ZNF407: variants seen among roughly 807,000 people sequenced by gnomAD.
ZNF407 encodes zinc finger protein 407.
A neutral mutation model predicts 131.2 loss-of-function variants in ZNF407; 17 were observed. The observed-to-expected ratio is 0.13, with a 90% confidence interval of 0.09 to 0.19. ZNF407 has a LOEUF of 0.19. ZNF407 is among the 10% of genes least tolerant of loss of function. The probability of loss-of-function intolerance (pLI) is 1.00; values close to 1 mark genes in which losing one functional copy is unlikely to be tolerated. For synonymous variants in ZNF407, 1,156 were observed against 1,062.0 expected, an observed-to-expected ratio of 1.09 and a Z score of -1.72; for missense variants, 2,681 against 2,830.6, an observed-to-expected ratio of 0.95 and a Z score of 1.20.
At chr18:75,047,230 G>A (rs748412859) in intron 8 of ZNF407, among the ~76,000 whole-genome samples, 2 of 152,156 alleles carry the variant, frequency 1.3e-5, no homozygotes, top group Admixed American at 6.5e-5. Flanking sequence ...CTAGCAGGAC[G>A]ATGTCAAAAA....
intron 7 of ZNF407, chr18:74,898,043 T>C (rs1971475648): frequency 6.6e-6 from 1 of 152,232 alleles, no homozygotes; most frequent in African/African-American, 2.4e-5. Flanking sequence ...TTCTGAAATA[T>C]TGCCTGTCTG....
At chr18:74,752,115 G>A (rs1458836381) in intron 3 of ZNF407, among the ~76,000 whole-genome samples, 1 of 152,210 alleles carries the variant, frequency 6.6e-6, no homozygotes, top group Non-Finnish European at 1.5e-5. Flanking sequence ...GCATTTCTCT[G>A]ATGGCCAGTG....
chr18:74,724,256 A>G (rs1330605546), intron 3 of ZNF407, among the ~76,000 whole-genome samples: 1 of 152,182 alleles, frequency 6.6e-6, no homozygotes, highest in Non-Finnish European at 1.5e-5. Context: ...TTGATGTTTA[A>G]ATACATGTGT....
chr18:74,699,905 T>C (rs558497092), intron 3 of ZNF407, among the ~76,000 whole-genome samples: 3 of 152,342 alleles, frequency 2.0e-5, no homozygotes, highest in South Asian at 4.1e-4. Context: ...GACAAAATTA[T>C]ATGCACATGT....
At chr18:74,964,574 A>G (rs536340740) in intron 8 of ZNF407, among the ~76,000 whole-genome samples, 2 of 140,696 alleles carry the variant, frequency 1.4e-5, no homozygotes, top group East Asian at 4.1e-4. Context: ...ACAACCTATC[A>G]TCCGGGTTTT....
At chr18:74,999,859 A>G (rs963294458) in intron 8 of ZNF407, among the ~76,000 whole-genome samples, 2 of 152,354 alleles carry the variant, frequency 1.3e-5, no homozygotes, top group South Asian at 4.1e-4. Context: ...AATGTGTTAC[A>G]TGAAAAAAAG....
intron 4 of ZNF407, among the ~76,000 whole-genome samples, chr18:74,790,583 G>A (rs559262377): frequency 6.6e-6 from 1 of 152,032 alleles, no homozygotes; most frequent in South Asian, 2.1e-4. Flanking sequence ...AGAACACTGG[G>A]GCTTATACAG....
At chr18:74,951,667 T>C (rs1384820051) in intron 8 of ZNF407, among the ~76,000 whole-genome samples, 2 of 152,240 alleles carry the variant, frequency 1.3e-5, no homozygotes, top group African/African-American at 4.8e-5. Flanking sequence ...GAGCTTCATA[T>C]TTGCAGATTT....
At position 74,768,201 on chromosome 18, in the gene ZNF407, A is replaced by C. The variant is rs549932616; in HGVS notation, c.4803-13227A>C. Among the ~76,000 whole-genome samples the C allele has an allele frequency of 1.9e-3, 286 of 152,238 alleles. 3 individuals are homozygous for C. Among genetic ancestry groups the C allele is most frequent in the African/African-American group, 6.6e-3 (274 of 41,558 alleles). ...GTAGAGCTGTTGGACAGGTTGGCAC[A>C]TCTCGCCTGCAAGCTCCTTGATTAC... On this transcript the variant is annotated intron_variant, in intron 3 of 8. Transcript: ENST00000299687.
chr18:74,631,649 G>A lies in ZNF407; in HGVS notation c.630G>A (p.Gln210=). ...AAAAACATGCTGAGTCTCACATGCA[G>A]CAGCCTAAGGAACATACCTGTTGTC... ...DLEKHAESHM[Q]QPKEHTCCHC... The change falls in exon 2 of 9, where the codon CAG becomes CAA. Residue 210 remains glutamine (Q), a synonymous_variant. Coordinates refer to ENST00000299687, the MANE Select transcript of ZNF407 (RefSeq NM_017757.3). 1 of 1,613,940 alleles carries A rather than the reference G, an allele frequency of 6.2e-7. No homozygotes were observed. Among genetic ancestry groups the A allele is most frequent in the South Asian group, 1.1e-5 (1 of 91,074 alleles).
chr18:74,898,900 T>TA lies in ZNF407; in HGVS notation c.5249+8862_5249+8863insA, dbSNP rs1156816429. The stretch of plus-strand genomic sequence containing the variant: ...GTCTGGGGGGAAAAGTGGTTGACAT[T>TA]TGAATTTCATAAATTTGTTCCAATC... On this transcript the variant is annotated intron_variant, in intron 7 of 8. Transcript: ENST00000299687. 2.0e-4 allele frequency among the ~76,000 whole-genome samples: 30 copies of TA among 152,338 alleles called. 1 individual carries two copies. The East Asian group carries it at 5.4e-3, about 27-fold the overall frequency.
chr18:74,969,843 A>T (rs565350242), intron 8 of ZNF407, among the ~76,000 whole-genome samples: 1 of 152,224 alleles, frequency 6.6e-6, no homozygotes, highest in African/African-American at 2.4e-5. Flanking sequence ...TGCATGAGAA[A>T]CCAGGTTTTC....
chr18:74,630,846 T>G (rs911615504), intron 1 of ZNF407, 121 bp from the exon 2 acceptor site: 44 of 647,628 alleles, frequency 6.8e-5, no homozygotes, highest in Non-Finnish European at 9.0e-5. Flanking sequence ...TGTAATCAAA[T>G]TCATCTCAGT....
intron 8 of ZNF407, among the ~76,000 whole-genome samples, chr18:74,933,551 T>A (rs1355736703): frequency 6.6e-6 from 1 of 152,160 alleles, no homozygotes; most frequent in Non-Finnish European, 1.5e-5. Flanking sequence ...GATGGTAACT[T>A]TTATGTATGG....
At chr18:74,699,049 C>A (rs901919915) in intron 3 of ZNF407, among the ~76,000 whole-genome samples, 1 of 152,212 alleles carries the variant, frequency 6.6e-6, no homozygotes, top group Non-Finnish European at 1.5e-5. Flanking sequence ...TCCCTTCTCT[C>A]TGCTTTCATC....
intron 3 of ZNF407, among the ~76,000 whole-genome samples, chr18:74,645,530 A>G (rs1349318378): frequency 1.3e-5 from 2 of 152,084 alleles, no homozygotes; most frequent in African/African-American, 4.8e-5. Context: ...GGGTTCATGA[A>G]AAGATTCCAG....
chr18:74,760,348 G>C lies in ZNF407; in HGVS notation c.4803-21080G>C, dbSNP rs1000917215. Among the ~76,000 whole-genome samples, 74 of 152,276 alleles carry C rather than the reference G, an allele frequency of 4.9e-4. 1 individual carries two copies. Among genetic ancestry groups the C allele is most frequent in the African/African-American group, 1.7e-3 (72 of 41,552 alleles). ...AATGTTAGCCAGAGATGCTATGGAA[G>C]ATTATTACCTTTTCAGATTTCTCCC... On this transcript the variant is annotated intron_variant, in intron 3 of 8. Transcript: ENST00000299687.
chr18:75,031,686 C>T (rs1468614459), intron 8 of ZNF407, among the ~76,000 whole-genome samples: 1 of 152,186 alleles, frequency 6.6e-6, no homozygotes, highest in African/African-American at 2.4e-5. Context: ...TCCATCTTAG[C>T]ACAGGCTAGA....
chr18:74,720,798 T>C (rs1362350440), intron 3 of ZNF407, among the ~76,000 whole-genome samples: 3 of 152,180 alleles, frequency 2.0e-5, no homozygotes, highest in Non-Finnish European at 1.5e-5. Flanking sequence ...TCTGTACATA[T>C]GTGGATTAAT....
Sources: gnomAD v4.1 joint callset for allele counts (sites outside exome capture counted in the v4.1 genomes callset) on GRCh38, gnomAD v4.1.1 for gene constraint, MANE v1.5 for transcripts, NCBI Gene and HGNC (gene_info 2026-07-23, HGNC 2026-07-21) for gene names.